Variants in TECPR2 observed in about 807,000 individuals in gnomAD.
The protein encoded by TECPR2 is tectonin beta-propeller repeat-containing protein 2.
TECPR2 carries 65 observed loss-of-function variants against 138.1 expected under a neutral mutation model. The observed-to-expected ratio is 0.47, with a 90% CI of 0.39 to 0.58. The LOEUF (loss-of-function observed/expected upper bound fraction) is 0.58, where lower values mean the gene tolerates loss of function less well. Among genes scored for constraint, TECPR2 ranks in the 20% least tolerant of loss-of-function variants. The pLI, the probability that TECPR2 is intolerant of heterozygous loss-of-function variation, is 0.00. For missense variants in TECPR2, 1,553 were observed against 1,824.5 expected, an observed-to-expected ratio of 0.85 and a Z score of 2.71; for synonymous variants, 746 against 749.8, an observed-to-expected ratio of 0.99 and a Z score of 0.08.
chr14:102,452,587 C>G lies in TECPR2; in HGVS notation c.3600C>G (p.Pro1200=). ...VFIRTLSKSC[P]TGMHWTRLDL... ...TCAGGACGCTCTCCAAGAGCTGCCCCACGGGCATGCACTGGACCAGGCTGG... is the reference window on the plus strand; with the variant it reads ...TCAGGACGCTCTCCAAGAGCTGCCCGACGGGCATGCACTGGACCAGGCTGG... The change falls in exon 16 of 20, where the codon CCC becomes CCG. Residue 1200 remains proline, a synonymous_variant. Coordinates refer to ENST00000359520, the MANE Select transcript of TECPR2 (RefSeq NM_014844.5). The G allele has an allele frequency of 6.2e-7, 1 of 1,606,112 alleles. No individual in the cohort carries two copies. Among genetic ancestry groups the G allele is most frequent in the South Asian group, 1.1e-5 (1 of 89,594 alleles).
At chr14:102,466,623 CT>C (rs929482706) in intron 17 of TECPR2, among the ~76,000 whole-genome samples, 5 of 152,272 alleles carry the variant, frequency 3.3e-5, no homozygotes, top group African/African-American at 1.2e-4. Context: ...CAATACGTTC[CT>C]TTTTTTCCTT....
At chr14:102,414,510 G>A in intron 4 of TECPR2, 126 bp from the exon 5 acceptor site, 1 of 1,149,124 alleles carries the variant, frequency 8.7e-7, no homozygotes, top group Non-Finnish European at 1.2e-6. Flanking sequence ...GAGAGTGAAA[G>A]CATGCGTTAA....
At chr14:102,483,152 A>T (rs1398054576) in intron 17 of TECPR2, among the ~76,000 whole-genome samples, 1 of 151,922 alleles carries the variant, frequency 6.6e-6, no homozygotes, top group Non-Finnish European at 1.5e-5. Context: ...CGCCCGGCCC[A>T]GAAGCCGTTC....
At chr14:102,401,962 TAGAC>T (rs1203226750) in intron 2 of TECPR2, among the ~76,000 whole-genome samples, 2 of 151,972 alleles carry the variant, frequency 1.3e-5, no homozygotes, top group African/African-American at 2.4e-5. Context: ...CAGGAAGAAA[TAGAC>T]AGTTCTACAA....
At chr14:102,382,059 C>T (rs374304958) in intron 2 of TECPR2, among the ~76,000 whole-genome samples, 2 of 152,026 alleles carry the variant, frequency 1.3e-5, no homozygotes, top group Non-Finnish European at 1.5e-5. Context: ...TTTGGGAGGC[C>T]GAGGCGGGTG....
At chr14:102,435,335 C>A (rs1418424460) in intron 9 of TECPR2, 124 bp downstream of exon 9, 1 of 1,371,996 alleles carries the variant, frequency 7.3e-7, no homozygotes, top group Non-Finnish European at 9.7e-7. Flanking sequence ...ATCCGTAGGC[C>A]AACTCTGTTT....
In TECPR2 at chr14:102,497,036, G is replaced by A. The variant is rs1287316073; in HGVS notation, c.3847G>A (p.Val1283Met). The A allele has an allele frequency of 9.9e-6, 16 of 1,613,956 alleles. No homozygotes were observed. Among genetic ancestry groups the A allele is most frequent in the Non-Finnish European group, 1.4e-5 (16 of 1,180,050 alleles). ...HSSPNDQMLW[V>M]LDSRWNVHVR... ...CAGCCCCAACGACCAGATGCTGTGG[G>A]TGCTTGACAGCAGGTGGAACGTGCA... Residue 1283 changes from valine to methionine, a missense_variant, in exon 18 of 20, where the codon GTG becomes ATG. Physicochemically the swap from Val to Met is conservative, Grantham distance 21 (BLOSUM62 1). Transcript: ENST00000359520.
intron 17 of TECPR2, among the ~76,000 whole-genome samples, chr14:102,473,465 T>C (rs1202100998): frequency 6.6e-6 from 1 of 152,216 alleles, no homozygotes; most frequent in Non-Finnish European, 1.5e-5. Context: ...TTTTATTTGT[T>C]CTTCGACTTG....
At chr14:102,498,008 C>T in intron 19 of TECPR2, 95 bp from the exon 20 acceptor site, 2 of 1,520,454 alleles carry the variant, frequency 1.3e-6, no homozygotes, top group Non-Finnish European at 1.8e-6. Flanking sequence ...TAGAATGTGG[C>T]AAGCCCAGAC....
intron 13 of TECPR2, among the ~76,000 whole-genome samples, chr14:102,446,376 A>G (rs1002767098): frequency 1.3e-5 from 2 of 152,202 alleles, no homozygotes; most frequent in African/African-American, 2.4e-5. Context: ...AGGCAGGCAG[A>G]TCACTCGAGT....
intron 2 of TECPR2, among the ~76,000 whole-genome samples, chr14:102,383,329 T>C (rs1255573503): frequency 6.6e-6 from 1 of 152,226 alleles, no homozygotes; most frequent in African/African-American, 2.4e-5. Context: ...GACTCCTTAC[T>C]CAGGTTGCAG....
At chr14:102,495,391 AC>A (rs1487721772) in intron 17 of TECPR2, among the ~76,000 whole-genome samples, 1 of 151,984 alleles carries the variant, frequency 6.6e-6, no homozygotes, top group Non-Finnish European at 1.5e-5. Flanking sequence ...TGGCTATGGA[AC>A]CCCCTTTCTA....
Position 102,432,082 on chromosome 14 carries a change from C to T in TECPR2, c.1371C>T (p.Val457=), listed in dbSNP as rs1276489162. ...CAGAGGACTTTGACCAGGAGCTTGT[C>T]GTGAAGCCTATCAAAGTGAAAAGGA... ...ISSEDFDQEL[V]VKPIKVKRKK... Residue 457 remains valine (V), a synonymous_variant, in exon 8 of 20, where the codon GTC becomes GTT. Transcript: ENST00000359520. The T allele has an allele frequency of 6.2e-6, 10 of 1,608,132 alleles. No homozygotes were observed. The highest frequency in any genetic ancestry group is 4.5e-5 in the East Asian group (2 of 44,786).
rs140963558 is a variant in TECPR2, at chr14:102,445,838, C to T, written c.2966C>T (p.Thr989Met). 400 of 1,613,812 alleles carry T rather than the reference C, an allele frequency of 2.5e-4. No individual in the cohort carries two copies. The highest frequency in any genetic ancestry group is 4.0e-4 in the South Asian group (36 of 91,060). The change falls in exon 13 of 20, where the codon ACG becomes ATG. Residue 989 changes from threonine (T) to methionine (M), a missense_variant. By Grantham distance (81) the Thr-to-Met change is moderately conservative. Transcript: ENST00000359520. ...CAAGCTTTAGAACCCGTCTGCATAA[C>T]GCTCGGGGATCAGCAGACTCTCTGG... ...ERQALEPVCI[T>M]LGDQQTLWAL...
In TECPR2 at chr14:102,497,204, C is replaced by G; in HGVS notation, c.3931+84C>G. The G allele has an allele frequency of 2.0e-6, 3 of 1,521,860 alleles. No homozygotes were observed. The South Asian group carries it at 3.8e-5, about 19-fold the overall frequency. 94.3% of individuals were successfully genotyped at this position (1,521,860 alleles called of 1,614,324 possible). A position where few individuals can be genotyped will look rare whatever the true frequency, so the allele number is the denominator to read the frequency against. On this transcript the variant is annotated intron_variant, in intron 18 of 19. Coordinates refer to ENST00000359520, the MANE Select transcript of TECPR2 (RefSeq NM_014844.5). Reference sequence around the variant, plus strand: ...GCTGCTGGGCGCTCCCTCCAGGCCGCTGTCTGTGAGGCAGCCTTTGTGCTG... The same window carrying G: ...GCTGCTGGGCGCTCCCTCCAGGCCGGTGTCTGTGAGGCAGCCTTTGTGCTG...
intron 5 of TECPR2, among the ~76,000 whole-genome samples, chr14:102,424,304 A>C (rs906064947): frequency 6.6e-6 from 1 of 152,184 alleles, no homozygotes; most frequent in African/African-American, 2.4e-5. Flanking sequence ...CCACTGTTGT[A>C]TTTGCGGTCC....
intron 17 of TECPR2, among the ~76,000 whole-genome samples, chr14:102,486,222 C>A (rs969368759): frequency 6.6e-6 from 1 of 152,258 alleles, no homozygotes; most frequent in Non-Finnish European, 1.5e-5. Context: ...AGCAGTGGAG[C>A]CTGTTTCTGT....
At chr14:102,426,558 AAC>A (rs1355099065) in intron 6 of TECPR2, among the ~76,000 whole-genome samples, 8 of 152,308 alleles carry the variant, frequency 5.3e-5, no homozygotes, top group African/African-American at 1.9e-4. Context: ...GTAGAAAATA[AAC>A]AGTTTTCAGC....
At chr14:102,477,867 G>A (rs1477074823) in intron 17 of TECPR2, among the ~76,000 whole-genome samples, 5 of 139,828 alleles carry the variant, frequency 3.6e-5, no homozygotes, top group Admixed American at 7.4e-5. Context: ...CCCAGGAGGC[G>A]GAACTTGCAG....
Sources: allele counts gnomAD v4.1 joint callset (sites outside exome capture counted in the v4.1 genomes callset), GRCh38; gene constraint gnomAD v4.1.1; transcripts MANE v1.5; gene names NCBI Gene and HGNC (gene_info 2026-07-23, HGNC 2026-07-21).